Variants in SSBP2 observed in about 807,000 individuals in gnomAD.
The protein encoded by SSBP2 is single-stranded DNA-binding protein 2.
SSBP2 carries 17 observed loss-of-function variants against 61.8 expected under a neutral mutation model. The observed-to-expected ratio is 0.28, with a 90% CI of 0.19 to 0.41. The LOEUF (loss-of-function observed/expected upper bound fraction) is 0.41. Ranked by LOEUF, SSBP2 falls within the 10% of genes least tolerant of loss-of-function variation. The probability of loss-of-function intolerance (pLI) is 1.00; values close to 1 mark genes in which losing one functional copy is unlikely to be tolerated. For synonymous variants in SSBP2, 139 were observed against 141.3 expected (o/e 0.98, Z 0.12); for missense variants, 310 against 458.7 (o/e 0.68, Z 2.96).
At chr5:81,468,922 C>G (rs1765067369) in intron 8 of SSBP2, among the ~76,000 whole-genome samples, 1 of 151,938 alleles carries the variant, frequency 6.6e-6, no homozygotes, top group African/African-American at 2.4e-5. Flanking sequence ...GTGGTGGCAG[C>G]AGCAGTACTA....
intron 4 of SSBP2, among the ~76,000 whole-genome samples, chr5:81,567,386 G>A (rs1773499916): frequency 6.6e-6 from 1 of 152,200 alleles, no homozygotes; most frequent in African/African-American, 2.4e-5. Context: ...CAGCTTCCAT[G>A]GTGTTGAGCC....
intron 2 of SSBP2, among the ~76,000 whole-genome samples, chr5:81,643,710 C>T (rs1749009762): frequency 7.0e-6 from 1 of 142,578 alleles, no homozygotes; most frequent in Non-Finnish European, 1.5e-5. Context: ...TCAAGCGATT[C>T]TCCTGCCTCA....
At chr5:81,607,839 C>T (rs1745026918) in intron 4 of SSBP2, among the ~76,000 whole-genome samples, 1 of 152,128 alleles carries the variant, frequency 6.6e-6, no homozygotes, top group Non-Finnish European at 1.5e-5. Context: ...ATGTTCACAC[C>T]AAACAAATTA....
At chr5:81,488,052 T>TA (rs1766553075) in intron 6 of SSBP2, among the ~76,000 whole-genome samples, 4 of 56,642 alleles carry the variant, frequency 7.1e-5, no homozygotes, top group Admixed American at 1.8e-4. Context: ...TATATATATA[T>TA]ATATATAAAT....
chr5:81,730,382 G>A (rs557888615), intron 1 of SSBP2, among the ~76,000 whole-genome samples: 5 of 152,108 alleles, frequency 3.3e-5, no homozygotes, highest in South Asian at 4.2e-4. Context: ...CCGCTACCAC[G>A]CCTGGCTAAT....
intron 1 of SSBP2, among the ~76,000 whole-genome samples, chr5:81,741,016 C>T (rs752318293): frequency 2.0e-5 from 3 of 152,144 alleles, no homozygotes; most frequent in Admixed American, 6.5e-5. Context: ...ACAATTTTTC[C>T]GCCATGTTAA....
chr5:81,615,680 T>C (rs1745939557), intron 3 of SSBP2, 123 bp from the exon 4 acceptor site: 2 of 613,456 alleles, frequency 3.3e-6, no homozygotes, highest in Non-Finnish European at 5.6e-6. Flanking sequence ...AACAGATATC[T>C]ATCTGAAAGA....
intron 1 of SSBP2, among the ~76,000 whole-genome samples, chr5:81,714,005 CCATCAACCCGT>C: frequency 6.6e-6 from 1 of 152,046 alleles, no homozygotes; most frequent in Middle Eastern, 3.4e-3. Context: ...TTTGCTGCAC[CCATCAACCCGT>C]CATCTACATT....
intron 2 of SSBP2, among the ~76,000 whole-genome samples, chr5:81,648,489 G>T (rs138816236): frequency 6.6e-6 from 1 of 152,026 alleles, no homozygotes; most frequent in African/African-American, 2.4e-5. Flanking sequence ...GGTTGTGTGC[G>T]TTTGTTTACT....
In SSBP2 at chr5:81,445,175, T is replaced by TATATAC. The variant is rs1218318116; in HGVS notation, c.778+1692_778+1693insGTATAT. On this transcript the variant is annotated intron_variant, in intron 12 of 16. Transcript: ENST00000320672. ...ATATATATATATATATATATATATATATGTATGTATTTACTGGAAAATGTC... is the reference window on the plus strand; with the variant it reads ...ATATATATATATATATATATATATATATATACATGTATGTATTTACTGGAAAATGTC... Among the ~76,000 whole-genome samples the TATATAC allele has an allele frequency of 6.2e-5, 5 of 80,838 alleles. 1 individual carries two copies. The highest frequency in any genetic ancestry group is 1.2e-4 in the Non-Finnish European group (5 of 41,384). 53.0% of individuals were successfully genotyped at this position (80,838 alleles called of 152,430 possible).
chr5:81,519,498 T>C (rs1017311204), intron 4 of SSBP2, among the ~76,000 whole-genome samples: 1 of 152,166 alleles, frequency 6.6e-6, no homozygotes, highest in Non-Finnish European at 1.5e-5. Context: ...CTCAGTCCCC[T>C]GTGTTCTCAC....
At chr5:81,734,896 G>A (rs184368134) in intron 1 of SSBP2, among the ~76,000 whole-genome samples, 6 of 150,080 alleles carry the variant, frequency 4.0e-5, no homozygotes, top group East Asian at 3.9e-4. Flanking sequence ...GTGTGAACCC[G>A]GGAGGAGGAG....
intron 1 of SSBP2, among the ~76,000 whole-genome samples, chr5:81,748,093 T>C (rs1391213647): frequency 1.3e-5 from 2 of 152,238 alleles, no homozygotes; most frequent in South Asian, 2.1e-4. Context: ...AAAACAAAGA[T>C]CTAATACAGG....
chr5:81,558,871 C>A (rs1486762203), intron 4 of SSBP2, among the ~76,000 whole-genome samples: 1 of 152,200 alleles, frequency 6.6e-6, no homozygotes, highest in African/African-American at 2.4e-5. Flanking sequence ...AATAGAACAT[C>A]TGATCTCTTA....
chr5:81,465,003 A>G (rs527321303), intron 9 of SSBP2, among the ~76,000 whole-genome samples: 1 of 152,038 alleles, frequency 6.6e-6, no homozygotes, highest in Non-Finnish European at 1.5e-5. Flanking sequence ...GCCAATATCA[A>G]TATAATAGTT....
chr5:81,530,441 C>T (rs1048601272), intron 4 of SSBP2, among the ~76,000 whole-genome samples: 1 of 151,850 alleles, frequency 6.6e-6, no homozygotes, highest in African/African-American at 2.4e-5. Flanking sequence ...CCATCCTTGC[C>T]CACTGCCACT....
At chr5:81,626,911 G>C (rs1404249964) in intron 3 of SSBP2, among the ~76,000 whole-genome samples, 1 of 152,086 alleles carries the variant, frequency 6.6e-6, no homozygotes, top group Non-Finnish European at 1.5e-5. Flanking sequence ...TACAATTCAG[G>C]AACTTGAATT....
rs1185710696 is a variant in SSBP2, at chr5:81,588,028, A to C, written c.282+27445T>G. ...TGCCCAGGCTGGAGTGCAGTGGCAC[A>C]ATCACAGTTCACTGCAGTCTCAACA... On this transcript the variant is annotated intron_variant, in intron 4 of 16. Transcript: ENST00000320672. 3.3e-5 allele frequency among the ~76,000 whole-genome samples: 5 copies of C among 152,246 alleles called. No homozygotes were observed. In the South Asian group the frequency reaches 8.3e-4, roughly 25 times the overall value.
At chr5:81,633,887 C>T (rs1199193458) in intron 3 of SSBP2, among the ~76,000 whole-genome samples, 1 of 152,248 alleles carries the variant, frequency 6.6e-6, no homozygotes, top group East Asian at 1.9e-4. Context: ...ATTCTCTACT[C>T]CTTACTGCAC....
Sources: gnomAD v4.1 joint callset for allele counts (sites outside exome capture counted in the v4.1 genomes callset) on GRCh38, gnomAD v4.1.1 for gene constraint, MANE v1.5 for transcripts, NCBI Gene and HGNC (gene_info 2026-07-23, HGNC 2026-07-21) for gene names.